PLCXD3: variants seen among roughly 807,000 people sequenced by gnomAD.
The protein encoded by PLCXD3 is phosphatidylinositol specific phospholipase C X domain containing 3.
PLCXD3 carries 19 observed loss-of-function variants against 25.5 expected under a neutral mutation model. The ratio of observed to expected loss-of-function variants is 0.75; its 90% CI spans 0.52 to 1.09. PLCXD3 has a LOEUF of 1.09. Among genes scored for constraint, PLCXD3 ranks in the 50% least tolerant of loss-of-function variants. The pLI is 0.00. For synonymous variants in PLCXD3, 174 were observed against 137.6 expected (o/e 1.26, Z -1.85); for missense variants, 411 against 388.1 (o/e 1.06, Z -0.50).
chr5:41,366,679 G>A (rs1303796080), intron 2 of PLCXD3, among the ~76,000 whole-genome samples: 6 of 152,174 alleles, frequency 3.9e-5, no homozygotes, highest in African/African-American at 1.4e-4. Flanking sequence ...TAAGTTCAGG[G>A]CTCCATGTGG....
rs554316356 is a variant in PLCXD3, at chr5:41,497,928, T to G, written c.103+12496A>C. On this transcript the variant is annotated intron_variant, in intron 1 of 2. Transcript: ENST00000377801. ...TCACAAATGTGTGGAAATTAAACAA[T>G]GCATCCTTTAACAACCAATTGGTCA... is the stretch of plus-strand genomic sequence containing the variant. Among the ~76,000 whole-genome samples, 12 of 151,828 alleles carry G rather than the reference T, an allele frequency of 7.9e-5. No individual in the cohort carries two copies. In the South Asian group the frequency reaches 2.3e-3, roughly 29 times the overall value.
intron 1 of PLCXD3, among the ~76,000 whole-genome samples, chr5:41,465,910 C>T (rs895124044): frequency 7.2e-5 from 11 of 152,032 alleles, no homozygotes; most frequent in African/African-American, 2.7e-4. Flanking sequence ...AGTTTTTAAG[C>T]CCCAATTTTC....
At chr5:41,369,039 G>A (rs1487728216) in intron 2 of PLCXD3, among the ~76,000 whole-genome samples, 1 of 152,152 alleles carries the variant, frequency 6.6e-6, no homozygotes, top group Non-Finnish European at 1.5e-5. Flanking sequence ...GTGGACACAT[G>A]AGTGATGTGT....
At chr5:41,345,537 A>G (rs1366026269) in intron 2 of PLCXD3, among the ~76,000 whole-genome samples, 3 of 152,256 alleles carry the variant, frequency 2.0e-5, no homozygotes, top group African/African-American at 4.8e-5. Flanking sequence ...ATAAGATAAC[A>G]TTGTTTTCTG....
At chr5:41,419,451 T>C (rs1746768528) in intron 1 of PLCXD3, among the ~76,000 whole-genome samples, 1 of 152,168 alleles carries the variant, frequency 6.6e-6, no homozygotes, top group Admixed American at 6.5e-5. Flanking sequence ...GAAAACAACA[T>C]ATCATATAGC....
intron 2 of PLCXD3, among the ~76,000 whole-genome samples, chr5:41,368,290 G>T (rs1250229106): frequency 6.6e-6 from 1 of 151,926 alleles, no homozygotes; most frequent in Non-Finnish European, 1.5e-5. Context: ...CTCTATATTT[G>T]GTTCATTCAT....
chr5:41,403,515 T>C (rs1746265431), intron 1 of PLCXD3, among the ~76,000 whole-genome samples: 1 of 81,228 alleles, frequency 1.2e-5, no homozygotes, highest in South Asian at 4.5e-4. Flanking sequence ...TAATGTGTCA[T>C]CTAGCATTAG....
intron 1 of PLCXD3, chr5:41,475,543 C>G (rs533995853): frequency 2.0e-6 from 1 of 512,690 alleles, no homozygotes; most frequent in African/African-American, 2.0e-5. Flanking sequence ...TTTATCTCTA[C>G]TTATTTCTAT....
At chr5:41,482,236 C>T (rs1748429252) in intron 1 of PLCXD3, among the ~76,000 whole-genome samples, 1 of 152,178 alleles carries the variant, frequency 6.6e-6, no homozygotes, top group African/African-American at 2.4e-5. Context: ...CCATTTCCAG[C>T]TCCCAGCATA....
intron 1 of PLCXD3, among the ~76,000 whole-genome samples, chr5:41,419,807 C>G (rs1014921462): frequency 6.6e-6 from 1 of 152,168 alleles, no homozygotes; most frequent in African/African-American, 2.4e-5. Flanking sequence ...ACCAACCTCA[C>G]TCAATAGGTT....
At chr5:41,501,538 A>G (rs1748950681) in intron 1 of PLCXD3, among the ~76,000 whole-genome samples, 2 of 152,114 alleles carry the variant, frequency 1.3e-5, no homozygotes, top group East Asian at 3.9e-4. Context: ...GCTGGGAAAG[A>G]GGGGGAAAAG....
At chr5:41,410,506 G>A (rs1746488300) in intron 1 of PLCXD3, among the ~76,000 whole-genome samples, 1 of 151,948 alleles carries the variant, frequency 6.6e-6, no homozygotes, top group African/African-American at 2.4e-5. Flanking sequence ...ATGTCGCAAT[G>A]CCAAGCCCTG....
chr5:41,504,202 G>T (rs554599365), intron 1 of PLCXD3, among the ~76,000 whole-genome samples: 1 of 152,236 alleles, frequency 6.6e-6, no homozygotes, highest in South Asian at 2.1e-4. Flanking sequence ...CTAAAGGAAT[G>T]ATTACATTGC....
At chr5:41,428,034 A>G (rs2150507796) in intron 1 of PLCXD3, among the ~76,000 whole-genome samples, 1 of 151,968 alleles carries the variant, frequency 6.6e-6, no homozygotes, top group East Asian at 1.9e-4. Context: ...CCCATTTCCC[A>G]CTTTCTTTGG....
At chr5:41,358,491 T>C (rs1186333907) in intron 2 of PLCXD3, among the ~76,000 whole-genome samples, 1 of 152,186 alleles carries the variant, frequency 6.6e-6, no homozygotes, top group Non-Finnish European at 1.5e-5. Context: ...AAGTCCAATG[T>C]ATCATTCTTA....
chr5:41,410,346 T>C (rs1040755213), intron 1 of PLCXD3, among the ~76,000 whole-genome samples: 1 of 151,924 alleles, frequency 6.6e-6, no homozygotes. Flanking sequence ...GGTTTCACCA[T>C]GTTGGCCGGT....
chr5:41,366,265 G>A (rs1392393823), intron 2 of PLCXD3, among the ~76,000 whole-genome samples: 1 of 151,966 alleles, frequency 6.6e-6, no homozygotes, highest in Non-Finnish European at 1.5e-5. Flanking sequence ...ACACAATGTT[G>A]GAAACAAAAT....
chr5:41,383,320 T>C (rs1745538196), intron 1 of PLCXD3, among the ~76,000 whole-genome samples: 1 of 152,088 alleles, frequency 6.6e-6, no homozygotes, highest in African/African-American at 2.4e-5. Flanking sequence ...GGCTTCTAAA[T>C]TTAGAAGAAT....
chr5:41,478,699 T>C (rs1287431581), intron 1 of PLCXD3, among the ~76,000 whole-genome samples: 1 of 152,240 alleles, frequency 6.6e-6, no homozygotes, highest in East Asian at 1.9e-4. Flanking sequence ...AAGAGGTGTG[T>C]ATTAGTCTAT....
Sources: allele counts gnomAD v4.1 joint callset (sites outside exome capture counted in the v4.1 genomes callset), GRCh38; gene constraint gnomAD v4.1.1; transcripts MANE v1.5; gene names NCBI Gene and HGNC (gene_info 2026-07-23, HGNC 2026-07-21).